The following CNTN5 variants were observed in gnomAD, a reference collection of about 807,000 sequenced individuals.
CNTN5 encodes contactin-5.
Under a neutral mutation model 129.1 loss-of-function variants are expected in CNTN5, and 77 were observed. The ratio of observed to expected loss-of-function variants is 0.60; its 90% CI spans 0.50 to 0.72. The LOEUF (loss-of-function observed/expected upper bound fraction) is 0.72. Ranked by LOEUF, CNTN5 falls within the 30% of genes least tolerant of loss-of-function variation. The probability of loss-of-function intolerance (pLI) is 0.00; values close to 1 mark genes in which losing one functional copy is unlikely to be tolerated. For missense variants in CNTN5, 1,478 were observed against 1,328.8 expected, an observed-to-expected ratio of 1.11 and a Z score of -1.75; for synonymous variants, 509 against 465.6, an observed-to-expected ratio of 1.09 and a Z score of -1.20.
At chr11:99,508,360 A>C (rs1370338594) in intron 2 of CNTN5, among the ~76,000 whole-genome samples, 1 of 152,126 alleles carries the variant, frequency 6.6e-6, no homozygotes, top group Non-Finnish European at 1.5e-5. Flanking sequence ...TTTTAAAGAA[A>C]ATTGTTGTCA....
intron 7 of CNTN5, among the ~76,000 whole-genome samples, chr11:99,941,586 A>ACACACACACACACACACACAC (rs1555163260): frequency 7.9e-5 from 12 of 152,006 alleles, no homozygotes; most frequent in Admixed American, 2.0e-4. Flanking sequence ...ACACACACAC[A>ACACACACACACACACACACAC]AAGAGAAAGA....
chr11:99,509,318 T>A (rs1462416672), intron 2 of CNTN5, among the ~76,000 whole-genome samples: 1 of 152,102 alleles, frequency 6.6e-6, no homozygotes, highest in Non-Finnish European at 1.5e-5. Flanking sequence ...CAGTTCACCA[T>A]CGTACATGAA....
chr11:100,078,428 G>A (rs944123839), intron 13 of CNTN5, among the ~76,000 whole-genome samples: 1 of 152,030 alleles, frequency 6.6e-6, no homozygotes, highest in African/African-American at 2.4e-5. Context: ...GCTAAGATTT[G>A]TTTACATTTG....
At chr11:99,941,593 AAGAG>A (rs1444064465) in intron 7 of CNTN5, among the ~76,000 whole-genome samples, 1 of 69,140 alleles carries the variant, frequency 1.4e-5, no homozygotes, top group Non-Finnish European at 3.5e-5. Context: ...CACAAAGAGA[AAGAG>A]AGATAGATAG....
intron 2 of CNTN5, among the ~76,000 whole-genome samples, chr11:99,385,248 C>A (rs1940854732): frequency 6.6e-6 from 1 of 152,106 alleles, no homozygotes; most frequent in African/African-American, 2.4e-5. Context: ...AAACTTATTT[C>A]TCTATCTAAC....
At chr11:99,799,175 G>T (rs1946038738) in intron 3 of CNTN5, among the ~76,000 whole-genome samples, 1 of 151,852 alleles carries the variant, frequency 6.6e-6, no homozygotes, top group Admixed American at 6.6e-5. Context: ...TCTATGTATA[G>T]AATCATATTA....
intron 21 of CNTN5, chr11:100,308,947 A>T (rs1304102339): frequency 1.0e-6 from 1 of 984,672 alleles, no homozygotes; most frequent in African/African-American, 1.7e-5. Context: ...AAATGTTGCT[A>T]TTTTTAAACA....
Position 99,956,830 on chromosome 11 carries a change from A to G in CNTN5, c.698A>G (p.Asn233Ser). 1 of 1,613,960 alleles carries G rather than the reference A, an allele frequency of 6.2e-7. No homozygotes were observed. The change falls in exon 8 of 25, where the codon AAT becomes AGT. Residue 233 changes from asparagine (N) to serine (S), a missense_variant. Physicochemically the swap from Asn to Ser is conservative, Grantham distance 46. Coordinates refer to ENST00000524871, the MANE Select transcript of CNTN5 (RefSeq NM_014361.4). ...GAGATCATCTATAGCTGGGTATTTA[A>G]TGAGTTCCCTTCCTTTGTGGCGGAA... ...SPEIIYSWVF[N>S]EFPSFVAEDS... is the part of the protein sequence containing the mutation.
rs966510185 is a variant in CNTN5, at chr11:99,104,163, G to A, written c.-210+82893G>A. On this transcript the variant is annotated intron_variant, in intron 1 of 24. Coordinates refer to ENST00000524871, the MANE Select transcript of CNTN5 (RefSeq NM_014361.4). ...ACGTGGGATTAAATGTATTTTAAAC[G>A]TCATCTGACATAATGGTTGAAAGTA... Among the ~76,000 whole-genome samples, 24 of 152,154 alleles carry A rather than the reference G, an allele frequency of 1.6e-4. No homozygotes were observed. In the South Asian group the frequency reaches 2.9e-3, roughly 18 times the overall value.
At chr11:99,344,130 G>T (rs1866645576) in intron 2 of CNTN5, among the ~76,000 whole-genome samples, 1 of 152,168 alleles carries the variant, frequency 6.6e-6, no homozygotes, top group Admixed American at 6.5e-5. Context: ...TAAGTTTTCG[G>T]TAGAAAGTCT....
At chr11:99,802,210 C>T (rs893422948) in intron 3 of CNTN5, among the ~76,000 whole-genome samples, 2 of 152,064 alleles carry the variant, frequency 1.3e-5, no homozygotes, top group Admixed American at 6.6e-5. Context: ...GACCTACAGG[C>T]CTGTAGTTTG....
At chr11:99,476,078 T>TA (rs1314059034) in intron 2 of CNTN5, among the ~76,000 whole-genome samples, 1,326 of 9,248 alleles carry the variant, frequency 0.14, 19 homozygotes, top group Middle Eastern at 0.25. Flanking sequence ...TCTTTCTCTT[T>TA]TTTCCCCCAA....
intron 2 of CNTN5, among the ~76,000 whole-genome samples, chr11:99,435,962 G>A (rs1943582483): frequency 1.3e-5 from 2 of 152,072 alleles, no homozygotes; most frequent in South Asian, 2.1e-4. Flanking sequence ...ATTTTAAAAA[G>A]GTCGTATTCA....
chr11:99,955,843 C>G (rs527633129), intron 7 of CNTN5, among the ~76,000 whole-genome samples: 76 of 152,186 alleles, frequency 5.0e-4, no homozygotes, highest in African/African-American at 1.8e-3. Context: ...GGAGTACGGG[C>G]GTTAGCCCCC....
chr11:100,057,150 ATCAT>A (rs572616074), intron 9 of CNTN5, among the ~76,000 whole-genome samples: 24 of 149,710 alleles, frequency 1.6e-4, no homozygotes, highest in African/African-American at 5.8e-4. Flanking sequence ...AATTATACTG[ATCAT>A]TCAGCTCAAA....
chr11:99,895,920 C>A (rs1240961465), intron 6 of CNTN5, among the ~76,000 whole-genome samples: 1 of 152,262 alleles, frequency 6.6e-6, no homozygotes, highest in South Asian at 2.1e-4. Context: ...TACTAAGAAG[C>A]AGCTAGACTC....
intron 1 of CNTN5, among the ~76,000 whole-genome samples, chr11:99,077,790 A>G (rs768834849): frequency 1.3e-5 from 2 of 152,138 alleles, no homozygotes; most frequent in Non-Finnish European, 2.9e-5. Context: ...CCCGTTTGCT[A>G]GGAACATCTC....
At chr11:100,287,152 G>C (rs975950003) in intron 18 of CNTN5, among the ~76,000 whole-genome samples, 9 of 152,026 alleles carry the variant, frequency 5.9e-5, no homozygotes, top group Non-Finnish European at 1.3e-4. Flanking sequence ...GAAAGTGTTG[G>C]GGAGAATGGA....
intron 13 of CNTN5, among the ~76,000 whole-genome samples, chr11:100,150,623 G>A (rs181090744): frequency 6.5e-4 from 98 of 150,602 alleles, no homozygotes; most frequent in African/African-American, 2.3e-3. Context: ...AAATTTTTAC[G>A]GTCAGTCCTC....
Sources: allele counts gnomAD v4.1 joint callset (sites outside exome capture counted in the v4.1 genomes callset), GRCh38; gene constraint gnomAD v4.1.1; transcripts MANE v1.5; gene names NCBI Gene and HGNC (gene_info 2026-07-23, HGNC 2026-07-21).